The following PSMC6 variants were observed in gnomAD, a reference collection of about 807,000 sequenced individuals.
PSMC6 encodes 26S proteasome regulatory subunit 10B.
Under a neutral mutation model 55.9 loss-of-function variants are expected in PSMC6, and 3 were observed. The ratio of observed to expected loss-of-function variants is 0.05; its 90% confidence interval spans 0.02 to 0.14. PSMC6 has a LOEUF of 0.14. PSMC6 is among the 10% of genes least tolerant of loss of function. The pLI is 1.00. For missense variants in PSMC6, 210 were observed against 478.7 expected (o/e 0.44, Z 5.24); for synonymous variants, 137 against 155.9 (o/e 0.88, Z 0.90).
At position 52,719,308 on chromosome 14, in the gene PSMC6, A is replaced by G. The variant is rs902535881; in HGVS notation, c.777+270A>G. ...CAGTCATTCATATATTTAAATTCTT[A>G]TGAATGTGATCTTGCGGTAGTTTTA... On this transcript the variant is annotated intron_variant, in intron 10 of 13. Coordinates refer to ENST00000445930, the MANE Select transcript of PSMC6 (RefSeq NM_002806.5). Among the ~76,000 whole-genome samples the G allele has an allele frequency of 6.6e-5, 10 of 152,282 alleles. No homozygotes were observed. In the South Asian group the frequency reaches 8.3e-4, roughly 13 times the overall value.
rs776019286 is a variant in PSMC6 at position 52,711,085 on chromosome 14, T to C, written c.259-16T>C. 7 of 1,585,426 alleles carry C rather than the reference T, an allele frequency of 4.4e-6. No individual in the cohort carries two copies. The highest frequency in any genetic ancestry group is 4.1e-5 in the African/African-American group (3 of 72,686). On this transcript the variant is annotated splice_polypyrimidine_tract_variant and intron_variant, in intron 4 of 13. Coordinates refer to ENST00000445930, the MANE Select transcript of PSMC6 (RefSeq NM_002806.5). ...TTTTAAGTGTTGATGTAATATCTTT[T>C]GTTTTACAAAACTAGCTTGACAAAA... is the stretch of plus-strand genomic sequence containing the variant.
At chr14:52,726,835 T>C (rs1383230038) in intron 13 of PSMC6, among the ~76,000 whole-genome samples, 1 of 151,704 alleles carries the variant, frequency 6.6e-6, no homozygotes, top group Non-Finnish European at 1.5e-5. Context: ...AGAAACGGGG[T>C]TTTACCATGT....
intron 13 of PSMC6, among the ~76,000 whole-genome samples, chr14:52,726,520 T>C (rs1283581297): frequency 6.6e-6 from 1 of 152,186 alleles, no homozygotes; most frequent in Non-Finnish European, 1.5e-5. Context: ...GCAAATTGCT[T>C]CCTGTCAAGT....
chr14:52,718,034 T>G (rs764040663), intron 7 of PSMC6, 47 bp from the exon 8 acceptor site: 12 of 1,583,008 alleles, frequency 7.6e-6, no homozygotes, highest in Non-Finnish European at 1.0e-5. Context: ...CAAAACAAAT[T>G]TTTTTCTACC....
At chr14:52,708,547 T>C in intron 3 of PSMC6, 25 bp downstream of exon 3, 2 of 1,605,020 alleles carry the variant, frequency 1.2e-6, no homozygotes, top group Non-Finnish European at 1.7e-6. Flanking sequence ...AGCTTATTAA[T>C]TAGTAAAGAA....
In PSMC6 at chr14:52,719,785, A is replaced by G. The variant is rs532331877; in HGVS notation, c.777+747A>G. The stretch of plus-strand genomic sequence containing the variant: ...TACTCATTTTATTCAAGTAACTAAT[A>G]TATCATCAACTAACACATTGTCAGA... On this transcript the variant is annotated intron_variant, in intron 10 of 13. Coordinates refer to ENST00000445930, the MANE Select transcript of PSMC6 (RefSeq NM_002806.5). Among the ~76,000 whole-genome samples the G allele has an allele frequency of 7.9e-5, 12 of 152,370 alleles. No individual in the cohort carries two copies. The South Asian group carries it at 2.3e-3, about 29-fold the overall frequency.
intron 10 of PSMC6, among the ~76,000 whole-genome samples, chr14:52,720,210 A>T: frequency 8.1e-6 from 1 of 123,858 alleles, no homozygotes; most frequent in Non-Finnish European, 1.6e-5. Context: ...TGACAGAGCG[A>T]GAGTCTGTCT....
chr14:52,707,382 A>C, intron 1 of PSMC6, 78 bp downstream of exon 1: 3 of 1,579,888 alleles, frequency 1.9e-6, no homozygotes, highest in Non-Finnish European at 2.6e-6. Flanking sequence ...CCTTTCGCCG[A>C]GCCCGGCAAC....
chr14:52,710,697 C>A, intron 4 of PSMC6: 1 of 221,556 alleles, frequency 4.5e-6, no homozygotes, highest in South Asian at 6.6e-5. Context: ...GAGCATTTAA[C>A]ACATTCTTCC....
rs541989778 is a variant in PSMC6 at position 52,721,150 on chromosome 14, G to A, written c.939G>A (p.Leu313=). 3.7e-5 allele frequency: 59 copies of A among 1,600,364 alleles called. No homozygotes were observed. The highest frequency in any genetic ancestry group is 3.4e-4 in the Middle Eastern group (2 of 5,966). The part of the protein sequence containing the change: ...LPNEQARLDI[L]KIHAGPITKH... ...ATGAACAAGCAAGATTAGACATACT[G>A]AAAATCCATGCAGGTCCCATTACAA... Residue 313 remains leucine (L), a synonymous_variant, in exon 12 of 14, where the codon CTG becomes CTA. Transcript: ENST00000445930.
chr14:52,717,021 A>G (rs1462559119), intron 7 of PSMC6, among the ~76,000 whole-genome samples: 1 of 152,224 alleles, frequency 6.6e-6, no homozygotes, highest in Non-Finnish European at 1.5e-5. Context: ...TGGTCAAAGG[A>G]TATAAAGTTC....
At chr14:52,726,704 C>T (rs1422303759) in intron 13 of PSMC6, among the ~76,000 whole-genome samples, 7 of 152,032 alleles carry the variant, frequency 4.6e-5, no homozygotes, top group Admixed American at 2.0e-4. Context: ...TGCAGTGGTG[C>T]GATCTTGGCT....
intron 13 of PSMC6, 100 bp from the exon 14 acceptor site, chr14:52,727,399 T>C: frequency 1.2e-6 from 1 of 805,142 alleles, no homozygotes; most frequent in Non-Finnish European, 1.9e-6. Context: ...GTAATAAATC[T>C]AAGCTTCACA....
At chr14:52,707,621 C>G (rs911642187) in intron 1 of PSMC6, 2 of 275,864 alleles carry the variant, frequency 7.2e-6, no homozygotes, top group Non-Finnish European at 1.4e-5. Context: ...TTGGTGGAGT[C>G]CCGGGACTTG....
At chr14:52,710,815 G>A in intron 4 of PSMC6, 2 of 380,050 alleles carry the variant, frequency 5.3e-6, no homozygotes, top group South Asian at 5.9e-5. Context: ...TGCTTTGGTA[G>A]CAATTCCCAA....
intron 4 of PSMC6, chr14:52,710,448 A>G (rs867754794): frequency 6.6e-6 from 1 of 152,092 alleles, no homozygotes; most frequent in Admixed American, 6.6e-5. Context: ...AAAAAAAAGT[A>G]ACTTTATCTT....
intron 7 of PSMC6, among the ~76,000 whole-genome samples, chr14:52,717,359 G>T (rs1222980512): frequency 1.4e-4 from 16 of 110,514 alleles, no homozygotes; most frequent in Non-Finnish European, 2.6e-4. Context: ...TTTTGAGACA[G>T]AGTCTTGCTC....
intron 6 of PSMC6, among the ~76,000 whole-genome samples, chr14:52,712,611 A>G (rs1232849037): frequency 6.6e-6 from 1 of 151,948 alleles, no homozygotes; most frequent in Non-Finnish European, 1.5e-5. Context: ...CGCTTTATGC[A>G]CATATGGACA....
intron 6 of PSMC6, among the ~76,000 whole-genome samples, 181 bp downstream of exon 6, chr14:52,711,705 T>A (rs2041774644): frequency 6.6e-6 from 1 of 152,082 alleles, no homozygotes; most frequent in Non-Finnish European, 1.5e-5. Flanking sequence ...AAATTACTGT[T>A]TTTTTTTATT....
Sources: allele counts gnomAD v4.1 joint callset (sites outside exome capture counted in the v4.1 genomes callset), GRCh38; gene constraint gnomAD v4.1.1; transcripts MANE v1.5; gene names NCBI Gene and HGNC (gene_info 2026-07-23, HGNC 2026-07-21).